The following DCN variants were observed in gnomAD, a reference collection of about 807,000 sequenced individuals.
DCN encodes the protein bone proteoglycan II.
Under a neutral mutation model 36.5 loss-of-function variants are expected in DCN, and 17 were observed. The ratio of observed to expected loss-of-function variants is 0.47; its 90% CI spans 0.32 to 0.70. The LOEUF (loss-of-function observed/expected upper bound fraction) is 0.70. Among genes scored for constraint, DCN ranks in the 30% least tolerant of loss-of-function variants. The pLI, the probability that DCN is intolerant of heterozygous loss-of-function variation, is 0.04. For missense variants in DCN, 389 were observed against 430.1 expected (o/e 0.90, Z 0.84); for synonymous variants, 163 against 161.4 (o/e 1.01, Z -0.07).
intron 5 of DCN, among the ~76,000 whole-genome samples, chr12:91,156,357 G>C (rs1480272970): frequency 1.3e-5 from 2 of 152,086 alleles, no homozygotes; most frequent in African/African-American, 4.8e-5. Context: ...GCATAATAGA[G>C]AGTTATATTA....
chr12:91,141,464 T>G lies in DCN; in HGVS notation c.*4594A>C, dbSNP rs1880753756. The stretch of plus-strand genomic sequence containing the variant: ...GCAAGTCTCACCCCCTTCACATCCC[T>G]TATTCCCCAGTTCTGCTTGACATTC... On this transcript the variant is annotated 3_prime_UTR_variant, in exon 8 of 8. Transcript: ENST00000052754. 6.6e-6 allele frequency: 1 copy of G among 152,020 alleles called. No individual in the cohort carries two copies. Among genetic ancestry groups the G allele is most frequent in the Non-Finnish European group, 1.5e-5 (1 of 68,066 alleles). The allele number at this position is 152,020 out of a possible 1,614,324, so 9.4% of individuals were successfully genotyped here.
At position 91,145,862 on chromosome 12, in the gene DCN, T is replaced by C. The variant is rs572224095; in HGVS notation, c.*196A>G. On this transcript the variant is annotated 3_prime_UTR_variant, in exon 8 of 8. Coordinates refer to ENST00000052754, the MANE Select transcript of DCN (RefSeq NM_001920.5). ...TCAACAGAAAGCTTCAAAAGATGAT[T>C]CTGAAAATGGCAGGCAAAATTTCTT... The C allele has an allele frequency of 3.4e-6, 2 of 580,326 alleles. No homozygotes were observed. The highest frequency in any genetic ancestry group is 6.1e-6 in the Non-Finnish European group (2 of 328,320). The allele number at this position is 580,326 out of a possible 1,614,324, so 35.9% of individuals were successfully genotyped here.
intron 5 of DCN, among the ~76,000 whole-genome samples, chr12:91,154,435 C>CAAA (rs58026236): frequency 4.0e-5 from 6 of 151,776 alleles, no homozygotes; most frequent in Non-Finnish European, 8.8e-5. Flanking sequence ...CAAAGTAATG[C>CAAA]AAAATGTATA....
chr12:91,178,263 A>T lies in DCN; in HGVS notation c.211+79T>A. 3.1e-6 allele frequency: 4 copies of T among 1,286,344 alleles called. No homozygotes were observed. In the South Asian group the frequency reaches 4.8e-5, roughly 15 times the overall value. 79.7% of individuals were successfully genotyped at this position (1,286,344 alleles called of 1,614,324 possible). ...CTCAAATTTAGAGAGATTAAAACTG[A>T]AAATGCTAAACTCTCAGAGTTGCCA... On this transcript the variant is annotated intron_variant, in intron 2 of 7. Coordinates refer to ENST00000052754, the MANE Select transcript of DCN (RefSeq NM_001920.5).
intron 2 of DCN, among the ~76,000 whole-genome samples, chr12:91,168,270 T>C (rs3138205): frequency 0.029 from 4,389 of 152,276 alleles, 213 homozygotes; most frequent in African/African-American, 0.099. Flanking sequence ...ACTCCACTTA[T>C]TCATTTATTT....
In DCN at chr12:91,178,528, G is replaced by A. The variant is rs1592711397; in HGVS notation, c.25C>T (p.Leu9=). The change falls in exon 2 of 8, where the codon CTG becomes TTG. Residue 9 remains leucine (L), a synonymous_variant. Coordinates refer to ENST00000052754, the MANE Select transcript of DCN (RefSeq NM_001920.5). MKATIILL[L]LAQVSWAGPF... ...CCAGCCCAGGAAACTTGTGCAAGCA[G>A]AAGGAGGATGATAGTGGCCTTCATG... is the stretch of plus-strand genomic sequence containing the variant. The A allele has an allele frequency of 1.2e-6, 2 of 1,613,770 alleles. No homozygotes were observed. Among genetic ancestry groups the A allele is most frequent in the Non-Finnish European group, 1.7e-6 (2 of 1,179,928 alleles).
intron 7 of DCN, among the ~76,000 whole-genome samples, chr12:91,148,324 C>T (rs1300715547): frequency 6.6e-6 from 1 of 152,028 alleles, no homozygotes; most frequent in Admixed American, 6.6e-5. Context: ...CCGCCCACCT[C>T]AGCCTCCCAA....
Position 91,141,417 on chromosome 12 carries a change from T to G in DCN, c.*4641A>C, listed in dbSNP as rs1181581166. On this transcript the variant is annotated 3_prime_UTR_variant, in exon 8 of 8. Transcript: ENST00000052754. ...AATGTCACTCCTGATAAGTCCTTTT[T>G]CCGACCATCCTATATAAAATAGCAA... 4 of 152,174 alleles carry G rather than the reference T, an allele frequency of 2.6e-5. No homozygotes were observed. Among genetic ancestry groups the G allele is most frequent in the Non-Finnish European group, 5.9e-5 (4 of 68,074 alleles). The allele number at this position is 152,174 out of a possible 1,614,324, so 9.4% of individuals were successfully genotyped here. A position where few individuals can be genotyped will look rare whatever the true frequency, so the allele number is the denominator to read the frequency against.
In DCN at chr12:91,159,808, C is replaced by T. The variant is rs1882044076; in HGVS notation, c.325-1299G>A. ...AACCACATGGTTTTATTATTTCAAG[C>T]CACTTTATTAACTAATTATAAGGAA... On this transcript the variant is annotated intron_variant, in intron 3 of 7. Coordinates refer to ENST00000052754, the MANE Select transcript of DCN (RefSeq NM_001920.5). 2.6e-5 allele frequency among the ~76,000 whole-genome samples: 4 copies of T among 151,848 alleles called. No homozygotes were observed. The South Asian group carries it at 8.3e-4, about 32-fold the overall frequency.
intron 2 of DCN, among the ~76,000 whole-genome samples, chr12:91,167,089 A>C (rs1767944683): frequency 6.6e-6 from 1 of 152,146 alleles, no homozygotes; most frequent in South Asian, 2.1e-4. Flanking sequence ...CAAAATGTGG[A>C]TTAGATGACA....
In DCN at chr12:91,144,568, T is replaced by C. The variant is rs1880903096; in HGVS notation, c.*1490A>G. The C allele has an allele frequency of 1.3e-5, 2 of 152,188 alleles. No individual in the cohort carries two copies. The highest frequency in any genetic ancestry group is 4.8e-5 in the African/African-American group (2 of 41,452). 9.4% of individuals were successfully genotyped at this position (152,188 alleles called of 1,614,324 possible). ...AAAGAGTAACTTTCCCTAATGTTAA[T>C]ATTACCTCGGGATATGTCAAATGTA... On this transcript the variant is annotated 3_prime_UTR_variant, in exon 8 of 8. Transcript: ENST00000052754.
At chr12:91,165,196 A>G (rs928239752) in intron 2 of DCN, among the ~76,000 whole-genome samples, 1 of 152,240 alleles carries the variant, frequency 6.6e-6, no homozygotes, top group Non-Finnish European at 1.5e-5. Context: ...AGTTAAAATC[A>G]TATAAACATA....
intron 3 of DCN, among the ~76,000 whole-genome samples, chr12:91,163,592 G>A (rs142890166): frequency 6.6e-6 from 1 of 152,154 alleles, no homozygotes; most frequent in Non-Finnish European, 1.5e-5. Context: ...AAACCCCTTT[G>A]TGAGTGGCAT....
At chr12:91,150,121 C>T (rs984599929) in intron 7 of DCN, among the ~76,000 whole-genome samples, 1 of 151,696 alleles carries the variant, frequency 6.6e-6, no homozygotes, top group African/African-American at 2.4e-5. Flanking sequence ...AAAAAAAGAA[C>T]AAAGTTGGAG....
chr12:91,166,399 C>T (rs1323280102), intron 2 of DCN, among the ~76,000 whole-genome samples: 2 of 152,146 alleles, frequency 1.3e-5, no homozygotes, highest in East Asian at 1.9e-4. Context: ...CTGCCATTTT[C>T]GGAAATGTCA....
In DCN at chr12:91,158,471, A is replaced by G. The variant is rs1445885627; in HGVS notation, c.363T>C (p.Ser121=). The G allele has an allele frequency of 2.5e-6, 4 of 1,604,534 alleles. No individual in the cohort carries two copies. Among genetic ancestry groups the G allele is most frequent in the Non-Finnish European group, 3.4e-6 (4 of 1,171,342 alleles). ...TCACCAAAGGTGTAAATGCTCCAGG[A>G]CTAACTTTGCTAATTTTATTGTTGA... ...ILVNNKISKV[S]PGAFTPLVKL... Residue 121 remains serine, a synonymous_variant, in exon 4 of 8, where the codon AGT becomes AGC. Transcript: ENST00000052754.
intron 2 of DCN, chr12:91,177,358 T>C (rs1883354948): frequency 1.9e-6 from 1 of 525,386 alleles, no homozygotes; most frequent in Non-Finnish European, 3.4e-6. Flanking sequence ...GAAAGCATGT[T>C]CTGAGTAAAT....
chr12:91,176,644 T>C (rs1280699682), intron 2 of DCN: 1 of 152,122 alleles, frequency 6.6e-6, no homozygotes, highest in Non-Finnish European at 1.5e-5. Context: ...GCAAACTATA[T>C]TTACGAAAAA....
chr12:91,174,482 C>G (rs1053352297), intron 2 of DCN, among the ~76,000 whole-genome samples: 1 of 151,974 alleles, frequency 6.6e-6, no homozygotes, highest in Non-Finnish European at 1.5e-5. Flanking sequence ...CTATTATTCT[C>G]ATTAATACAT....
Sources: gnomAD v4.1 joint callset for allele counts (sites outside exome capture counted in the v4.1 genomes callset) on GRCh38, gnomAD v4.1.1 for gene constraint, MANE v1.5 for transcripts, NCBI Gene and HGNC (gene_info 2026-07-23, HGNC 2026-07-21) for gene names.